Variants in SLC4A2 observed in about 807,000 individuals in gnomAD.
SLC4A2 encodes solute carrier family 4 member 2.
A neutral mutation model predicts 115.0 loss-of-function variants in SLC4A2; 36 were observed. The observed-to-expected ratio is 0.31, with a 90% CI of 0.24 to 0.41. SLC4A2 has a LOEUF of 0.41. Ranked by LOEUF, SLC4A2 falls within the 10% of genes least tolerant of loss-of-function variation. The pLI is 1.00. For synonymous variants in SLC4A2, 708 were observed against 708.3 expected (o/e 1.00, Z 0.01); for missense variants, 1,252 against 1,705.6 (o/e 0.73, Z 4.68).
At chr7:151,064,063 C>G (rs6464122) in intron 2 of SLC4A2, 139 bp from the exon 3 acceptor site, 637,617 of 745,548 alleles carry the variant, frequency 0.86, 273,595 homozygotes, top group East Asian at 0.97. Context: ...CTGCTGGGGG[C>G]ATATAGAGCC....
chr7:151,062,586 A>G, intron 2 of SLC4A2: 1 of 1,473,602 alleles, frequency 6.8e-7, no homozygotes, highest in East Asian at 2.6e-5. Context: ...CGTGACTGGG[A>G]AGGGGCACAG....
Position 151,074,165 on chromosome 7 carries a change from C to A in SLC4A2, c.2662C>A (p.Gln888Lys). 1 of 1,612,800 alleles carries A rather than the reference C, an allele frequency of 6.2e-7. No individual in the cohort carries two copies. The highest frequency in any genetic ancestry group is 8.5e-7 in the Non-Finnish European group (1 of 1,179,966). ...LGPGNRSLAGQSGQGKPRGQP... is the reference protein window; with the variant it reads ...LGPGNRSLAGKSGQGKPRGQP... ...GCCGGGCAACAGGAGCTTGGCTGGG[C>A]AGTCTGGGCAGGGGAAGCCCCGGGG... The change falls in exon 17 of 23, where the codon CAG (glutamine) becomes AAG (lysine). Residue 888 changes from glutamine to lysine, a missense_variant. Around this residue, in one of 14 missense-constraint regions of SLC4A2, gnomAD observed 55 missense variants for 48.6 expected, o/e 1.13. Transcript: ENST00000413384.
At chr7:151,075,032 G>C (rs1213596884) in intron 19 of SLC4A2, 191 bp downstream of exon 19, 1 of 873,834 alleles carries the variant, frequency 1.1e-6, no homozygotes, top group African/African-American at 1.7e-5. Context: ...ACAGCACGTG[G>C]AGGGGCAGGC....
rs1163569632 is a variant in SLC4A2 at position 151,066,431 on chromosome 7, C to A, written c.579-86C>A. On this transcript the variant is annotated intron_variant, in intron 5 of 22. Transcript: ENST00000413384. ...GGAGGGCCTGGAGTCCGATGTGGGT[C>A]CCCTCCCTGGCTACCGCCTGCGTGG... The A allele has an allele frequency of 2.2e-5, 31 of 1,411,612 alleles. No homozygotes were observed. The Admixed American group carries it at 6.8e-4, about 31-fold the overall frequency. 87.4% of individuals were successfully genotyped at this position (1,411,612 alleles called of 1,614,324 possible). A position where few individuals can be genotyped will look rare whatever the true frequency, so the allele number is the denominator to read the frequency against.
intron 8 of SLC4A2, among the ~76,000 whole-genome samples, chr7:151,069,010 G>T (rs1282336788): frequency 6.6e-6 from 1 of 151,466 alleles, no homozygotes; most frequent in Non-Finnish European, 1.5e-5. Flanking sequence ...ACGGTGGCAG[G>T]TGCCTGTAGT....
At position 151,074,193 on chromosome 7, in the gene SLC4A2, A is replaced by G. The variant is rs773247185; in HGVS notation, c.2690A>G (p.Gln897Arg). 1 of 1,613,080 alleles carries G rather than the reference A, an allele frequency of 6.2e-7. No individual in the cohort carries two copies. The highest frequency in any genetic ancestry group is 2.2e-5 in the East Asian group (1 of 44,890). Reference sequence around the variant, plus strand: ...TCTGGGCAGGGGAAGCCCCGGGGCCAGCCCAACACGGCCCTGCTGTCGCTG... The same window carrying G: ...TCTGGGCAGGGGAAGCCCCGGGGCCGGCCCAACACGGCCCTGCTGTCGCTG... ...GQSGQGKPRG[Q>R]PNTALLSLVL... Residue 897 changes from glutamine to arginine, a missense_variant, in exon 17 of 23, where the codon CAG (glutamine) becomes CGG (arginine). By Grantham distance (43) the Gln-to-Arg change is conservative. Around this residue, in one of 14 missense-constraint regions of SLC4A2, gnomAD observed 55 missense variants for 48.6 expected, o/e 1.13. Coordinates refer to ENST00000413384, the MANE Select transcript of SLC4A2 (RefSeq NM_003040.4).
intron 2 of SLC4A2, chr7:151,063,277 C>T (rs1255527886): frequency 1.9e-6 from 2 of 1,058,386 alleles, no homozygotes; most frequent in Non-Finnish European, 2.6e-6. Context: ...GGGAGCTCTC[C>T]TGGGGGCTGA....
chr7:151,066,753 T>A lies in SLC4A2; in HGVS notation c.815T>A (p.Leu272His). 1 of 1,568,994 alleles carries A rather than the reference T, an allele frequency of 6.4e-7. No individual in the cohort carries two copies. Among genetic ancestry groups the A allele is most frequent in the Non-Finnish European group, 8.6e-7 (1 of 1,156,960 alleles). ...ACGCTGGCCACGGCCGACCTAGACC[T>A]CATGAAGAGTAAGTGCTGGGCCTTG... Reference protein sequence around the residue: ...AQTLATADLDLMKSHRFEDVP... With the variant: ...AQTLATADLDHMKSHRFEDVP... The change falls in exon 6 of 23, where the codon CTC becomes CAC. Residue 272 changes from leucine (L) to histidine (H), a missense_variant. Transcript: ENST00000413384.
intron 1 of SLC4A2, 57 bp from the exon 2 acceptor site, chr7:151,061,868 T>C: frequency 1.1e-6 from 1 of 870,948 alleles, no homozygotes; most frequent in Non-Finnish European, 1.8e-6. Context: ...AGCCTGCGCG[T>C]GGTGGCTCCT....
rs781439759 is a variant in SLC4A2, at chr7:151,075,459, G to A, written c.3252G>A (p.Gln1084=). The A allele has an allele frequency of 6.9e-6, 11 of 1,602,730 alleles. No homozygotes were observed. The highest frequency in any genetic ancestry group is 7.6e-6 in the Non-Finnish European group (9 of 1,179,958). The change falls in exon 20 of 23, where the codon CAG becomes CAA. Residue 1084 remains glutamine (Q), a synonymous_variant. Coordinates refer to ENST00000413384, the MANE Select transcript of SLC4A2 (RefSeq NM_003040.4). The stretch of plus-strand genomic sequence containing the variant: ...CACCTGGGGACAAGCCCAAGATTCA[G>A]GAAGTCAAGGAGCAGCGGGTGACGG... ...AVAPGDKPKI[Q]EVKEQRVTGL...
At chr7:151,062,299 A>G (rs899457709) in intron 2 of SLC4A2, among the ~76,000 whole-genome samples, 3 of 152,078 alleles carry the variant, frequency 2.0e-5, no homozygotes, top group African/African-American at 7.2e-5. Context: ...CGGTTGAGGA[A>G]CTTTGAGAAC....
upstream of SLC4A2, chr7:151,058,252 C>T (rs1584976600): frequency 3.6e-6 from 1 of 275,174 alleles, no homozygotes; most frequent in Non-Finnish European, 7.0e-6. Context: ...ACTACGCGTT[C>T]CAGAATGCAG....
chr7:151,062,849 TCC>T, intron 2 of SLC4A2: 1 of 1,380,014 alleles, frequency 7.2e-7, no homozygotes. Context: ...CCTTCTCTTA[TCC>T]GGTGTTCTGC....
At position 151,071,150 on chromosome 7, in the gene SLC4A2, G is replaced by A. The variant is rs781096714; in HGVS notation, c.1828G>A (p.Val610Met). 1 of 1,612,882 alleles carries A rather than the reference G, an allele frequency of 6.2e-7. No individual in the cohort carries two copies. Residue 610 changes from valine (V) to methionine (M), a missense_variant, in exon 13 of 23, where the codon GTG becomes ATG. Coordinates refer to ENST00000413384, the MANE Select transcript of SLC4A2 (RefSeq NM_003040.4). The surrounding 1 kb of genome is among the most constrained non-coding windows in gnomAD (Gnocchi z 5.5). ...TAINAFLDCS[V>M]VLPPSEVQGE... ...CATCAACGCCTTCCTGGACTGCAGC[G>A]TGGTGCTGCCGCCTTCAGAAGTGCA...
At position 151,074,403 on chromosome 7, in the gene SLC4A2, G is replaced by A; in HGVS notation, c.2795G>A (p.Arg932Gln). The A allele has an allele frequency of 2.5e-6, 4 of 1,613,868 alleles. No individual in the cohort carries two copies. The highest frequency in any genetic ancestry group is 2.5e-6 in the Non-Finnish European group (3 of 1,180,024). Reference sequence around the variant, plus strand: ...GCGCTGTGCCTGCCCACTCAGATCCGGCGGGTGATTGGGGACTTTGGGGTG... The same window carrying A: ...GCGCTGTGCCTGCCCACTCAGATCCAGCGGGTGATTGGGGACTTTGGGGTG... ...KNSRFFPGRIRRVIGDFGVPI... is the reference protein window; with the variant it reads ...KNSRFFPGRIQRVIGDFGVPI... The change falls in exon 18 of 23, where the codon CGG becomes CAG. Residue 932 changes from arginine to glutamine, a missense_variant. Arg to Gln is a conservative substitution (Grantham distance 43). Around this residue, in one of 14 missense-constraint regions of SLC4A2, gnomAD observed 253 missense variants for 407.4 expected, o/e 0.62. Coordinates refer to ENST00000413384, the MANE Select transcript of SLC4A2 (RefSeq NM_003040.4).
rs1250092865 is a variant in SLC4A2 at position 151,071,827 on chromosome 7, C to A, written c.2330C>A (p.Ala777Asp). ...GGGCCCCTGCTGGTCTTTGAGGAGG[C>A]CTTCTTCTCGGTGAGGGCTCTTCTC... ...FSGPLLVFEE[A>D]FFSFCSSNHL... The change falls in exon 15 of 23, where the codon GCC becomes GAC. Residue 777 changes from alanine to aspartate, a missense_variant. Ala to Asp is a moderately radical substitution (Grantham distance 126, BLOSUM62 -2). Coordinates refer to ENST00000413384, the MANE Select transcript of SLC4A2 (RefSeq NM_003040.4). The surrounding 1 kb of genome is among the most constrained non-coding windows in gnomAD (Gnocchi z 5.5). The A allele has an allele frequency of 6.2e-7, 1 of 1,602,712 alleles. No homozygotes were observed. Among genetic ancestry groups the A allele is most frequent in the Non-Finnish European group, 8.5e-7 (1 of 1,176,248 alleles).
intron 1 of SLC4A2, chr7:151,061,636 C>T (rs1374942077): frequency 1.3e-5 from 4 of 314,208 alleles, no homozygotes; most frequent in Non-Finnish European, 2.4e-5. Flanking sequence ...CGGGCCTGGG[C>T]CTTGACTCCT....
rs1220513309 is a variant in SLC4A2, at chr7:151,060,586, A to G, written c.-64+824A>G. On this transcript the variant is annotated intron_variant, in intron 1 of 22. Coordinates refer to ENST00000413384, the MANE Select transcript of SLC4A2 (RefSeq NM_003040.4). This position sits in a 1 kb window ranked among gnomAD's most constrained non-coding sequence, Gnocchi z 5.9. ...GACAGAAGCTGCTTTGTGTTCTGGG[A>G]CAGCAGGGGAGGGGGTGCAGAGGAG... 6.6e-6 allele frequency among the ~76,000 whole-genome samples: 1 copy of G among 152,128 alleles called. No individual in the cohort carries two copies. The highest frequency in any genetic ancestry group is 1.5e-5 in the Non-Finnish European group (1 of 68,012).
In SLC4A2 at chr7:151,075,615, T is replaced by C; in HGVS notation, c.3311T>C (p.Ile1104Thr). 1.3e-6 allele frequency: 2 copies of C among 1,593,072 alleles called. No homozygotes were observed. Among genetic ancestry groups the C allele is most frequent in the Middle Eastern group, 1.7e-4 (1 of 6,028 alleles). The change falls in exon 21 of 23, where the codon ATA (isoleucine) becomes ACA (threonine). Residue 1104 changes from isoleucine (I) to threonine (T), a missense_variant. Around this residue, in one of 14 missense-constraint regions of SLC4A2, gnomAD observed 253 missense variants for 407.4 expected, o/e 0.62. Coordinates refer to ENST00000413384, the MANE Select transcript of SLC4A2 (RefSeq NM_003040.4). ...LLVALLVGLSIVIGDLLRQIP... is the reference protein window; with the variant it reads ...LLVALLVGLSTVIGDLLRQIP... ...CCTGCGCCTCCCGTAGGCCTCTCCA[T>C]AGTTATCGGGGATCTGCTCCGGCAG...
Sources: gnomAD v4.1 joint callset for allele counts (sites outside exome capture counted in the v4.1 genomes callset) on GRCh38, gnomAD v4.1.1 for gene constraint, gnomAD v4.1.1 regional missense constraint, Gnocchi (gnomAD v3.1) non-coding constraint, MANE v1.5 for transcripts, NCBI Gene and HGNC (gene_info 2026-07-23, HGNC 2026-07-21) for gene names.